Variants in MDGA2 observed in about 807,000 individuals in gnomAD.
The protein encoded by MDGA2 is MAM domain-containing glycosylphosphatidylinositol anchor protein 2.
Under a neutral mutation model 117.8 loss-of-function variants are expected in MDGA2, and 40 were observed. That is an observed-to-expected ratio of 0.34 (90% CI 0.26 to 0.44). MDGA2 has a LOEUF of 0.44. Among genes scored for constraint, MDGA2 ranks in the 20% least tolerant of loss-of-function variants. The probability of loss-of-function intolerance (pLI) is 1.00; values close to 1 mark genes in which losing one functional copy is unlikely to be tolerated. For synonymous variants in MDGA2, 452 were observed against 439.0 expected (o/e 1.03, Z -0.37); for missense variants, 1,123 against 1,250.6 (o/e 0.90, Z 1.54).
At chr14:46,889,382 A>G (rs758731003) in intron 10 of MDGA2, among the ~76,000 whole-genome samples, 1 of 152,050 alleles carries the variant, frequency 6.6e-6, no homozygotes, top group Non-Finnish European at 1.5e-5. Flanking sequence ...CCAGAAATTT[A>G]TAAGTTTTTA....
intron 3 of MDGA2, among the ~76,000 whole-genome samples, chr14:47,216,547 A>C (rs2139504829): frequency 6.6e-6 from 1 of 152,226 alleles, no homozygotes; most frequent in Middle Eastern, 3.4e-3. Context: ...GTTAACATCA[A>C]GTTTTGCTTA....
intron 1 of MDGA2, among the ~76,000 whole-genome samples, chr14:47,328,895 A>T (rs939704104): frequency 3.3e-5 from 5 of 152,122 alleles, no homozygotes; most frequent in African/African-American, 9.7e-5. Context: ...ATCCCCAAAT[A>T]AAAAAGATAA....
At chr14:47,190,472 A>G (rs1885067876) in intron 3 of MDGA2, among the ~76,000 whole-genome samples, 1 of 152,194 alleles carries the variant, frequency 6.6e-6, no homozygotes, top group Non-Finnish European at 1.5e-5. Flanking sequence ...AAATATAAAA[A>G]CAGCAAATTC....
intron 9 of MDGA2, among the ~76,000 whole-genome samples, chr14:46,924,050 T>C (rs1566527416): frequency 6.6e-6 from 1 of 152,070 alleles, no homozygotes; most frequent in Non-Finnish European, 1.5e-5. Context: ...TCTTATACAA[T>C]GTTGTTCCAA....
At chr14:47,082,573 C>G (rs1049372940) in intron 6 of MDGA2, among the ~76,000 whole-genome samples, 19 of 151,948 alleles carry the variant, frequency 1.3e-4, no homozygotes, top group African/African-American at 4.3e-4. Context: ...AACAGTAAGA[C>G]TGTACTTTAT....
At chr14:47,470,265 G>GC (rs66485872) in intron 1 of MDGA2, among the ~76,000 whole-genome samples, 1 of 124,858 alleles carries the variant, frequency 8.0e-6, no homozygotes, top group Admixed American at 8.4e-5. Flanking sequence ...CCTTCCCCCA[G>GC]CCCCCCCACC....
intron 1 of MDGA2, among the ~76,000 whole-genome samples, chr14:47,461,171 G>A (rs1893475205): frequency 6.6e-6 from 1 of 152,090 alleles, no homozygotes; most frequent in African/African-American, 2.4e-5. Context: ...TAGACATGGA[G>A]TCAAATCAGA....
chr14:46,915,771 G>A (rs1468756667), intron 10 of MDGA2, among the ~76,000 whole-genome samples: 2 of 152,240 alleles, frequency 1.3e-5, no homozygotes, highest in East Asian at 3.9e-4. Flanking sequence ...GGAACTGCGG[G>A]GGACATGTGG....
chr14:47,563,574 TTC>T (rs55878313), intron 1 of MDGA2, among the ~76,000 whole-genome samples: 5,919 of 115,408 alleles, frequency 0.051, 329 homozygotes, highest in Non-Finnish European at 0.079. Context: ...CCCTGCTTTT[TTC>T]TGTTTTTTTT....
intron 7 of MDGA2, among the ~76,000 whole-genome samples, chr14:47,039,658 G>C (rs1888990262): frequency 6.6e-6 from 1 of 152,132 alleles, no homozygotes; most frequent in African/African-American, 2.4e-5. Context: ...CCTGAAAACA[G>C]CTTAATGGAG....
intron 8 of MDGA2, among the ~76,000 whole-genome samples, chr14:46,959,484 A>G (rs1317996290): frequency 1.3e-5 from 2 of 152,010 alleles, no homozygotes; most frequent in African/African-American, 4.8e-5. Context: ...TTTAAACATC[A>G]TGAGCTTATG....
At chr14:47,585,693 C>A (rs1896311202) in intron 1 of MDGA2, among the ~76,000 whole-genome samples, 2 of 151,700 alleles carry the variant, frequency 1.3e-5, no homozygotes, top group African/African-American at 4.8e-5. Flanking sequence ...TCTTAATTCT[C>A]TTTCACTTTC....
intron 5 of MDGA2, among the ~76,000 whole-genome samples, chr14:47,107,816 C>T (rs554794511): frequency 1.4e-3 from 217 of 151,138 alleles, no homozygotes; most frequent in African/African-American, 5.0e-3. Flanking sequence ...TAGCCTAGCC[C>T]TCATGTCTGC....
At chr14:47,324,588 T>G (rs73251837) in intron 1 of MDGA2, among the ~76,000 whole-genome samples, 2 of 152,166 alleles carry the variant, frequency 1.3e-5, no homozygotes, top group African/African-American at 4.8e-5. Flanking sequence ...TTCATATTTA[T>G]TTCCCATCTT....
chr14:47,072,237 G>A (rs536204494), intron 6 of MDGA2, among the ~76,000 whole-genome samples: 7 of 152,124 alleles, frequency 4.6e-5, no homozygotes, highest in Admixed American at 3.9e-4. Flanking sequence ...ACTCTGTAGT[G>A]AGGTAGATAG....
At chr14:47,554,786 C>T (rs1042661229) in intron 1 of MDGA2, among the ~76,000 whole-genome samples, 1 of 152,134 alleles carries the variant, frequency 6.6e-6, no homozygotes, top group African/African-American at 2.4e-5. Context: ...AGTCTTTACA[C>T]TTTGGCTTTA....
At chr14:47,515,427 G>A (rs956338815) in intron 1 of MDGA2, among the ~76,000 whole-genome samples, 2 of 152,192 alleles carry the variant, frequency 1.3e-5, no homozygotes, top group Non-Finnish European at 2.9e-5. Flanking sequence ...ACTGCAGTCA[G>A]TGAGCAGAAT....
chr14:47,112,729 T>C (rs994696705), intron 5 of MDGA2, among the ~76,000 whole-genome samples: 4 of 152,298 alleles, frequency 2.6e-5, no homozygotes, highest in African/African-American at 9.6e-5. Context: ...TATAATAGAA[T>C]GATTTATATT....
At chr14:47,081,606 G>A (rs1890711356) in intron 6 of MDGA2, among the ~76,000 whole-genome samples, 1 of 151,938 alleles carries the variant, frequency 6.6e-6, no homozygotes, top group South Asian at 2.1e-4. Flanking sequence ...CTTACTTTTG[G>A]AAATGACATG....
Sources: allele counts gnomAD v4.1 joint callset (sites outside exome capture counted in the v4.1 genomes callset), GRCh38; gene constraint gnomAD v4.1.1; transcripts MANE v1.5; gene names NCBI Gene and HGNC (gene_info 2026-07-23, HGNC 2026-07-21).